SEC23IP: variants seen among roughly 807,000 people sequenced by gnomAD.
The protein encoded by SEC23IP is SEC23 interacting protein, also known as SEC23-interacting protein.
SEC23IP carries 70 observed loss-of-function variants against 113.4 expected under a neutral mutation model. The ratio of observed to expected loss-of-function variants is 0.62; its 90% CI spans 0.51 to 0.75. The LOEUF (loss-of-function observed/expected upper bound fraction) is 0.75. Among genes scored for constraint, SEC23IP ranks in the 30% least tolerant of loss-of-function variants. The pLI, the probability that SEC23IP is intolerant of heterozygous loss-of-function variation, is 0.00. For missense variants in SEC23IP, 1,160 were observed against 1,204.9 expected (o/e 0.96, Z 0.55); for synonymous variants, 398 against 421.0 (o/e 0.95, Z 0.67).
In SEC23IP at chr10:119,935,267, C is replaced by T. The variant is rs149859385; in HGVS notation, c.*20+1480C>T. Among the ~76,000 whole-genome samples the T allele has an allele frequency of 4.4e-3, 674 of 152,256 alleles. 13 individuals carry two copies. The highest frequency in any genetic ancestry group is 0.018 in the East Asian group (91 of 5,174). ...CTTGAGGTTAGGAGTTCAAGACTAG[C>T]CTGGCTAACATGGTGAAACCCTGTC... On this transcript the variant is annotated intron_variant, in intron 18 of 18. Transcript: ENST00000369075.
At chr10:119,915,469 T>A (rs550008670) in intron 7 of SEC23IP, among the ~76,000 whole-genome samples, 76 of 152,248 alleles carry the variant, frequency 5.0e-4, no homozygotes, top group African/African-American at 1.8e-3. Context: ...TTCCAGAGCC[T>A]TTCCCCAAGG....
intron 13 of SEC23IP, 39 bp from the exon 14 acceptor site, chr10:119,929,568 T>G (rs1259814416): frequency 1.3e-6 from 2 of 1,567,440 alleles, no homozygotes; most frequent in African/African-American, 2.7e-5. Flanking sequence ...TAGGTGACAT[T>G]GGAACAATCA....
At chr10:119,929,797 CTTTTTTCT>C (rs1564923407) in intron 14 of SEC23IP, 35 bp downstream of exon 14, 1 of 1,464,298 alleles carries the variant, frequency 6.8e-7, no homozygotes. Context: ...TTTTAAAATC[CTTTTTTCT>C]TTTTTAAACA....
chr10:119,928,800 G>A (rs1855498674), intron 13 of SEC23IP, among the ~76,000 whole-genome samples: 1 of 152,250 alleles, frequency 6.6e-6, no homozygotes, highest in Non-Finnish European at 1.5e-5. Flanking sequence ...TACTCAAAAT[G>A]TGCTCTTTCA....
At chr10:119,905,456 C>T (rs949669229) in intron 4 of SEC23IP, among the ~76,000 whole-genome samples, 4 of 152,170 alleles carry the variant, frequency 2.6e-5, no homozygotes, top group Non-Finnish European at 5.9e-5. Context: ...TAGATATCCA[C>T]ATACTGACCA....
intron 2 of SEC23IP, among the ~76,000 whole-genome samples, chr10:119,899,561 T>A (rs1854409422): frequency 6.6e-6 from 1 of 152,228 alleles, no homozygotes; most frequent in South Asian, 2.1e-4. Context: ...AGAACCCATT[T>A]CAGTGTGGTG....
In SEC23IP at chr10:119,923,968, G is replaced by T. The variant is rs184247964; in HGVS notation, c.2122-2068G>T. Among the ~76,000 whole-genome samples the T allele has an allele frequency of 3.6e-3, 546 of 152,330 alleles. 1 individual carries two copies. The highest frequency in any genetic ancestry group is 0.013 in the African/African-American group (524 of 41,570). ...TCCTTAGACAGCTCTCAGCAATTTA[G>T]AATGTTTTATGAATTTAACAGGAGG... On this transcript the variant is annotated intron_variant, in intron 12 of 18. Transcript: ENST00000369075.
intron 1 of SEC23IP, among the ~76,000 whole-genome samples, chr10:119,895,323 C>G (rs1415427447): frequency 6.6e-6 from 1 of 152,106 alleles, no homozygotes; most frequent in Non-Finnish European, 1.5e-5. Flanking sequence ...TTGCAGTGAG[C>G]TGAGGTCATG....
chr10:119,915,727 T>A, intron 7 of SEC23IP, 21 bp from the exon 8 acceptor site: 1 of 750,450 alleles, frequency 1.3e-6, no homozygotes. Flanking sequence ...TTATTTTCTC[T>A]TTTTTTTTTT....
At chr10:119,926,295 G>A (rs578238243) in intron 13 of SEC23IP, 68 bp downstream of exon 13, 3 of 1,386,874 alleles carry the variant, frequency 2.2e-6, no homozygotes, top group Non-Finnish European at 2.9e-6. Flanking sequence ...ATTTGGGTTG[G>A]CTTTAAGTTC....
intron 13 of SEC23IP, among the ~76,000 whole-genome samples, chr10:119,929,326 C>T (rs565817993): frequency 1.2e-4 from 18 of 152,118 alleles, no homozygotes; most frequent in South Asian, 6.2e-4. Flanking sequence ...CTCCACCTCC[C>T]GGGTTCAAGC....
rs185788509 is a variant in SEC23IP, at chr10:119,944,408, C to T, written c.*3843C>T. On this transcript the variant is annotated 3_prime_UTR_variant, in exon 19 of 19. Coordinates refer to ENST00000369075, the MANE Select transcript of SEC23IP (RefSeq NM_007190.4). ...CCCTTTTGTTTATAAATTGCCCAGT[C>T]TCAGGTAGTACCTTGATAGCAGTGT... is the stretch of plus-strand genomic sequence containing the variant. 3 of 152,310 alleles carry T rather than the reference C, an allele frequency of 2.0e-5. No individual in the cohort carries two copies. The highest frequency in any genetic ancestry group is 2.0e-4 in the Admixed American group (3 of 15,298). The allele number at this position is 152,310 out of a possible 1,614,324, so 9.4% of individuals were successfully genotyped here.
chr10:119,900,101 T>C (rs1854427129), intron 2 of SEC23IP, among the ~76,000 whole-genome samples: 2 of 151,932 alleles, frequency 1.3e-5, no homozygotes, highest in Admixed American at 6.6e-5. Flanking sequence ...TATTTGAAGG[T>C]CAGTAAAATA....
chr10:119,896,047 A>ATT (rs1854273969), intron 1 of SEC23IP, among the ~76,000 whole-genome samples: 1 of 152,230 alleles, frequency 6.6e-6, no homozygotes, highest in Non-Finnish European at 1.5e-5. Context: ...GGTTGACTGT[A>ATT]GCAAGAGGAT....
intron 5 of SEC23IP, among the ~76,000 whole-genome samples, chr10:119,911,626 C>A (rs898971533): frequency 3.9e-5 from 6 of 152,090 alleles, no homozygotes; most frequent in African/African-American, 1.4e-4. Context: ...CAGGCATGCA[C>A]TACCATGCCT....
At chr10:119,893,140 C>T (rs1243013462) in intron 1 of SEC23IP, among the ~76,000 whole-genome samples, 195 bp downstream of exon 1, 2 of 152,132 alleles carry the variant, frequency 1.3e-5, no homozygotes, top group Non-Finnish European at 2.9e-5. Context: ...TTGCTCTTCA[C>T]GGAAACCCCC....
intron 4 of SEC23IP, among the ~76,000 whole-genome samples, chr10:119,907,786 A>G (rs952666335): frequency 6.6e-6 from 1 of 152,154 alleles, no homozygotes; most frequent in African/African-American, 2.4e-5. Context: ...CCTTGTCTCT[A>G]CTAAAAATAG....
chr10:119,932,267 G>A lies in SEC23IP; in HGVS notation c.2707G>A (p.Glu903Lys). 1 of 1,614,134 alleles carries A rather than the reference G, an allele frequency of 6.2e-7. No individual in the cohort carries two copies. Among genetic ancestry groups the A allele is most frequent in the East Asian group, 2.2e-5 (1 of 44,870 alleles). ...TSSTQLQEELEKVANQIKEEE... is the reference protein window; with the variant it reads ...TSSTQLQEELKKVANQIKEEE... ...TTCAACCCAGTTGCAAGAAGAATTG[G>A]AGAAGGTGGCCAATCAGATCAAAGA... Residue 903 changes from glutamate to lysine, a missense_variant, in exon 16 of 19, where the codon GAG becomes AAG. Glu to Lys is a moderately conservative substitution (Grantham distance 56). Coordinates refer to ENST00000369075, the MANE Select transcript of SEC23IP (RefSeq NM_007190.4).
At chr10:119,902,124 A>G (rs894693694) in intron 2 of SEC23IP, among the ~76,000 whole-genome samples, 3 of 152,194 alleles carry the variant, frequency 2.0e-5, no homozygotes, top group Non-Finnish European at 4.4e-5. Flanking sequence ...TGAGAGGTCA[A>G]GGCGGGCTGG....
Sources: gnomAD v4.1 joint callset for allele counts (sites outside exome capture counted in the v4.1 genomes callset) on GRCh38, gnomAD v4.1.1 for gene constraint, MANE v1.5 for transcripts, NCBI Gene and HGNC (gene_info 2026-07-23, HGNC 2026-07-21) for gene names.